Variants in PTCHD4 observed in about 807,000 individuals in gnomAD.
The protein encoded by PTCHD4 is patched domain containing 4, also known as patched domain-containing protein 4.
In PTCHD4, 33 loss-of-function variants were observed where a neutral mutation model predicts 58.1. The ratio of observed to expected loss-of-function variants is 0.57; its 90% CI spans 0.43 to 0.76. PTCHD4 has a LOEUF of 0.76. Among genes scored for constraint, PTCHD4 ranks in the 30% least tolerant of loss-of-function variants. The pLI, the probability that PTCHD4 is intolerant of heterozygous loss-of-function variation, is 0.00. For synonymous variants in PTCHD4, 478 were observed against 409.6 expected (o/e 1.17, Z -2.02); for missense variants, 1,058 against 1,027.1 (o/e 1.03, Z -0.41).
In PTCHD4 at chr6:48,035,974, A is replaced by C. The variant is rs116259355; in HGVS notation, c.418-26860T>G. On this transcript the variant is annotated intron_variant, in intron 3 of 4. Coordinates refer to ENST00000339488, the MANE Select transcript of PTCHD4 (RefSeq NM_001384253.1). ...AGTGCTCCCTGTACTTACTAAGATC[A>C]CCCCCTGAATAAACCCTGCCTTACA... Among the ~76,000 whole-genome samples, 1,010 of 151,966 alleles carry C rather than the reference A, an allele frequency of 6.6e-3. 10 individuals are homozygous for C. The highest frequency in any genetic ancestry group is 0.023 in the African/African-American group (954 of 41,440).
intron 3 of PTCHD4, among the ~76,000 whole-genome samples, chr6:48,017,183 A>G: frequency 6.6e-6 from 1 of 152,184 alleles, no homozygotes. Flanking sequence ...GGTCAAGTAT[A>G]TACATAAACT....
At chr6:47,938,960 T>G (rs572283299) in intron 4 of PTCHD4, among the ~76,000 whole-genome samples, 2 of 151,304 alleles carry the variant, frequency 1.3e-5, no homozygotes, top group Admixed American at 1.3e-4. Context: ...GGAAAGGGAG[T>G]TCAGGGTACA....
intron 4 of PTCHD4, among the ~76,000 whole-genome samples, chr6:47,997,943 A>G (rs1318642116): frequency 6.6e-6 from 1 of 152,198 alleles, no homozygotes; most frequent in African/African-American, 2.4e-5. Context: ...AATTGAATCT[A>G]GGAAGTATAT....
intron 4 of PTCHD4, among the ~76,000 whole-genome samples, chr6:47,890,246 A>C (rs1368293028): frequency 6.6e-6 from 1 of 151,814 alleles, no homozygotes; most frequent in Non-Finnish European, 1.5e-5. Context: ...AGAAAAAGTG[A>C]GAAGAGAAAT....
chr6:47,934,029 CTA>C (rs1332257285), intron 4 of PTCHD4, among the ~76,000 whole-genome samples: 1 of 152,130 alleles, frequency 6.6e-6, no homozygotes, highest in African/African-American at 2.4e-5. Flanking sequence ...TAAAATGTTA[CTA>C]TATATATAAT....
At chr6:48,104,631 G>A (rs542055804) in intron 1 of PTCHD4, among the ~76,000 whole-genome samples, 2 of 152,266 alleles carry the variant, frequency 1.3e-5, no homozygotes, top group Admixed American at 6.5e-5. Flanking sequence ...TGGGCTAAAT[G>A]CTCCAATTAA....
At chr6:47,971,337 A>G (rs1416683027) in intron 4 of PTCHD4, among the ~76,000 whole-genome samples, 2 of 151,342 alleles carry the variant, frequency 1.3e-5, no homozygotes, top group African/African-American at 2.4e-5. Context: ...TTGCTGAATA[A>G]AAAAAAAATC....
intron 1 of PTCHD4, among the ~76,000 whole-genome samples, chr6:48,098,346 T>TCTTCTTCTTCTTCTTCTTC (rs1221429656): frequency 1.3e-5 from 2 of 149,658 alleles, no homozygotes; most frequent in African/African-American, 5.0e-5. Flanking sequence ...CTTCTTCTTT[T>TCTTCTTCTTCTTCTTCTTC]TTTTTTTTTT....
At chr6:48,038,480 TA>T (rs924534713) in intron 3 of PTCHD4, among the ~76,000 whole-genome samples, 155 of 145,782 alleles carry the variant, frequency 1.1e-3, no homozygotes, top group African/African-American at 3.1e-3. Flanking sequence ...CATCTCTACT[TA>T]AAAAAAAAAA....
At chr6:48,050,445 C>T (rs1270659669) in intron 3 of PTCHD4, among the ~76,000 whole-genome samples, 2 of 151,952 alleles carry the variant, frequency 1.3e-5, no homozygotes, top group Non-Finnish European at 1.5e-5. Flanking sequence ...AACTATATGG[C>T]TGGTCAATGC....
chr6:47,986,168 T>C (rs1768058400), intron 4 of PTCHD4, among the ~76,000 whole-genome samples: 1 of 152,282 alleles, frequency 6.6e-6, no homozygotes, highest in South Asian at 2.1e-4. Context: ...AGAACTTAGA[T>C]GGAGCTCTTG....
chr6:48,104,593 A>G (rs1470247500), intron 1 of PTCHD4, among the ~76,000 whole-genome samples: 1 of 152,196 alleles, frequency 6.6e-6, no homozygotes, highest in Non-Finnish European at 1.5e-5. Context: ...TCAAATTCAC[A>G]CATAACAATA....
At chr6:48,096,244 A>C (rs755647588) in intron 1 of PTCHD4, among the ~76,000 whole-genome samples, 1 of 152,142 alleles carries the variant, frequency 6.6e-6, no homozygotes, top group Non-Finnish European at 1.5e-5. Flanking sequence ...AAAGGAGGAT[A>C]GAGATTGAAT....
intron 1 of PTCHD4, among the ~76,000 whole-genome samples, chr6:48,104,271 G>T (rs1483079678): frequency 1.3e-5 from 2 of 152,188 alleles, no homozygotes; most frequent in African/African-American, 4.8e-5. Flanking sequence ...AACTCTACAA[G>T]CCAGAAGAGA....
In PTCHD4 at chr6:47,876,793, A is replaced by C. The variant is rs899075269; in HGVS notation, c.*1510T>G. On this transcript the variant is annotated 3_prime_UTR_variant, in exon 5 of 5. Transcript: ENST00000339488. ...AATTTCCTGTGACAGGAGGCACAGC[A>C]ATAGTCCAAGTAAGCACCCAACAGG... Among the ~76,000 whole-genome samples the C allele has an allele frequency of 2.6e-5, 4 of 152,018 alleles. No individual in the cohort carries two copies. The highest frequency in any genetic ancestry group is 2.6e-4 in the Admixed American group (4 of 15,236).
chr6:48,002,754 T>TATAATAATAATAATAATA (rs139742079), intron 4 of PTCHD4, among the ~76,000 whole-genome samples: 1 of 149,480 alleles, frequency 6.7e-6, no homozygotes, highest in African/African-American at 2.4e-5. Context: ...AAACTTAAAG[T>TATAATAATAATAATAATA]ATAATAATAA....
At chr6:47,904,864 G>A (rs1384326078) in intron 4 of PTCHD4, among the ~76,000 whole-genome samples, 2 of 152,106 alleles carry the variant, frequency 1.3e-5, no homozygotes, top group African/African-American at 4.8e-5. Flanking sequence ...AAGGCTTAGA[G>A]TTCAATGGTG....
At position 48,102,667 on chromosome 6, in the gene PTCHD4, G is replaced by A. The variant is rs193007704; in HGVS notation, c.-970+8382C>T. 3.8e-4 allele frequency among the ~76,000 whole-genome samples: 58 copies of A among 152,346 alleles called. 2 individuals carry two copies. The highest frequency in any genetic ancestry group is 1.3e-3 in the Admixed American group (20 of 15,312). The stretch of plus-strand genomic sequence containing the variant: ...GTGAGCCGAAGCAGGGCGAGGCATC[G>A]CCTCACCTGGGAAGTGCAAGGAATT... On this transcript the variant is annotated intron_variant, in intron 1 of 4. Coordinates refer to ENST00000339488, the MANE Select transcript of PTCHD4 (RefSeq NM_001384253.1).
intron 1 of PTCHD4, among the ~76,000 whole-genome samples, chr6:48,094,985 G>A (rs1455936024): frequency 6.6e-6 from 1 of 152,158 alleles, no homozygotes; most frequent in Non-Finnish European, 1.5e-5. Flanking sequence ...ATACTTCAAT[G>A]CAAGCACTGT....
Sources: gnomAD v4.1 joint callset for allele counts (sites outside exome capture counted in the v4.1 genomes callset) on GRCh38, gnomAD v4.1.1 for gene constraint, MANE v1.5 for transcripts, NCBI Gene and HGNC (gene_info 2026-07-23, HGNC 2026-07-21) for gene names.